STK32A: variants seen among roughly 807,000 people sequenced by gnomAD.
STK32A encodes the protein serine/threonine kinase 32A.
A neutral mutation model predicts 53.2 loss-of-function variants in STK32A; 41 were observed. The ratio of observed to expected loss-of-function variants is 0.77; its 90% CI spans 0.60 to 1.00. The LOEUF is 1.00. Among genes scored for constraint, STK32A ranks in the 50% least tolerant of loss-of-function variants. The pLI is 0.00. For missense variants in STK32A, 458 were observed against 485.8 expected, an observed-to-expected ratio of 0.94 and a Z score of 0.54; for synonymous variants, 166 against 162.8, an observed-to-expected ratio of 1.02 and a Z score of -0.15.
chr5:147,293,036 C>T (rs1357848391), intron 4 of STK32A, among the ~76,000 whole-genome samples: 5 of 152,052 alleles, frequency 3.3e-5, no homozygotes, highest in East Asian at 1.9e-4. Context: ...AACTTGTATT[C>T]GAGAGTACTT....
intron 7 of STK32A, among the ~76,000 whole-genome samples, chr5:147,355,005 C>A (rs554477094): frequency 7.2e-5 from 11 of 152,078 alleles, no homozygotes; most frequent in Non-Finnish European, 8.8e-5. Flanking sequence ...AAATTATGCT[C>A]CCAATGGTTT....
intron 4 of STK32A, among the ~76,000 whole-genome samples, chr5:147,314,593 A>G (rs1753894083): frequency 6.6e-6 from 1 of 151,402 alleles, no homozygotes. Context: ...CAATTTAAAA[A>G]TGGATAAAGA....
the STK32A span, among the ~76,000 whole-genome samples, chr5:147,396,490 C>G: frequency 6.6e-6 from 1 of 152,170 alleles, no homozygotes; most frequent in Non-Finnish European, 1.5e-5. Flanking sequence ...AGAGGGGAGG[C>G]AATGAGGACG....
chr5:147,262,925 A>T (rs575694048), intron 2 of STK32A, among the ~76,000 whole-genome samples: 2 of 152,330 alleles, frequency 1.3e-5, no homozygotes, highest in East Asian at 3.9e-4. Context: ...GAAGGGGAAG[A>T]GCTAAAGTAA....
chr5:147,389,128 T>C (rs1050880138), downstream of STK32A, among the ~76,000 whole-genome samples: 8 of 152,194 alleles, frequency 5.3e-5, no homozygotes, highest in African/African-American at 1.7e-4. Context: ...ATCAAGGGCA[T>C]TGTTCTATCA....
At chr5:147,265,949 C>T (rs76609964) in intron 2 of STK32A, among the ~76,000 whole-genome samples, 2,225 of 152,218 alleles carry the variant, frequency 0.015, 62 homozygotes, top group African/African-American at 0.051. Context: ...TTTCACCCTT[C>T]CTTGGCAAAT....
chr5:147,346,707 T>A (rs1755709713), intron 6 of STK32A, among the ~76,000 whole-genome samples: 1 of 152,220 alleles, frequency 6.6e-6, no homozygotes, highest in Non-Finnish European at 1.5e-5. Context: ...CCAATGTAAG[T>A]ACCCCATCCA....
chr5:147,387,434 A>G lies in STK32A; in HGVS notation c.*3451A>G, dbSNP rs772846872. 4.6e-5 allele frequency: 7 copies of G among 152,258 alleles called. No homozygotes were observed. The highest frequency in any genetic ancestry group is 7.3e-5 in the Non-Finnish European group (5 of 68,046). The allele number at this position is 152,258 out of a possible 1,614,324, so 9.4% of individuals were successfully genotyped here. On this transcript the variant is annotated 3_prime_UTR_variant, in exon 13 of 13. Coordinates refer to ENST00000397936, the MANE Select transcript of STK32A (RefSeq NM_001112724.2). Reference sequence around the variant, plus strand: ...ACCAGAAACCACTAGATGTTCTATTATCATAGCTTTTGTAGATTGGATGGA... The same window carrying G: ...ACCAGAAACCACTAGATGTTCTATTGTCATAGCTTTTGTAGATTGGATGGA...
chr5:147,255,638 G>A (rs1349932386), intron 2 of STK32A, among the ~76,000 whole-genome samples: 1 of 152,170 alleles, frequency 6.6e-6, no homozygotes, highest in Non-Finnish European at 1.5e-5. Context: ...GCAACATTGA[G>A]TTTTAATTAT....
intron 2 of STK32A, among the ~76,000 whole-genome samples, chr5:147,259,541 CTTTTT>C (rs58442395): frequency 6.8e-6 from 1 of 147,788 alleles, no homozygotes; most frequent in Non-Finnish European, 1.5e-5. Context: ...TTTACCCTGG[CTTTTT>C]TTTTTTTATT....
intron 2 of STK32A, among the ~76,000 whole-genome samples, chr5:147,260,788 G>A (rs1191395607): frequency 1.3e-5 from 2 of 152,170 alleles, no homozygotes; most frequent in Non-Finnish European, 2.9e-5. Flanking sequence ...AGCCATATGA[G>A]GCAGCTAGGG....
Position 147,334,298 on chromosome 5 carries a change from C to G in STK32A, c.435-8708C>G, listed in dbSNP as rs140259889. Among the ~76,000 whole-genome samples, 5 of 152,276 alleles carry G rather than the reference C, an allele frequency of 3.3e-5. No individual in the cohort carries two copies. In the East Asian group the frequency reaches 9.6e-4, roughly 29 times the overall value. On this transcript the variant is annotated intron_variant, in intron 5 of 12. Transcript: ENST00000397936. ...AGTTCTTCTCTTGATTTACAATTAGCCTCATAGTTCTGTTGCTGCCTATTG... is the reference window on the plus strand; with the variant it reads ...AGTTCTTCTCTTGATTTACAATTAGGCTCATAGTTCTGTTGCTGCCTATTG...
intron 4 of STK32A, among the ~76,000 whole-genome samples, chr5:147,322,485 A>C (rs1754368746): frequency 6.6e-6 from 1 of 152,222 alleles, no homozygotes; most frequent in Non-Finnish European, 1.5e-5. Context: ...ATTATAAAGA[A>C]GAAAATGTAC....
At chr5:147,379,681 C>A (rs1341628485) in intron 11 of STK32A, among the ~76,000 whole-genome samples, 1 of 152,126 alleles carries the variant, frequency 6.6e-6, no homozygotes, top group African/African-American at 2.4e-5. Context: ...GACTGCCATG[C>A]CACCCAGTCT....
chr5:147,332,784 C>A (rs917926777), intron 5 of STK32A, among the ~76,000 whole-genome samples: 3 of 152,150 alleles, frequency 2.0e-5, no homozygotes, highest in African/African-American at 7.2e-5. Context: ...CACCTGCTCC[C>A]GAGCTACCGA....
intron 7 of STK32A, 71 bp downstream of exon 7, chr5:147,351,225 T>C: frequency 7.4e-7 from 1 of 1,349,050 alleles, no homozygotes. Flanking sequence ...GAATCATCTG[T>C]GGGGATTTGC....
chr5:147,256,839 G>A (rs968892644), intron 2 of STK32A, among the ~76,000 whole-genome samples: 2 of 152,036 alleles, frequency 1.3e-5, no homozygotes, highest in African/African-American at 4.8e-5. Flanking sequence ...TTTTACAATA[G>A]CTATCTTGGT....
At chr5:147,331,559 G>A (rs916325386) in intron 5 of STK32A, among the ~76,000 whole-genome samples, 2 of 152,182 alleles carry the variant, frequency 1.3e-5, no homozygotes, top group African/African-American at 4.8e-5. Flanking sequence ...TAGTGGGTAG[G>A]TACTATATGT....
At chr5:147,356,438 C>T (rs1756243077) in intron 7 of STK32A, among the ~76,000 whole-genome samples, 1 of 151,904 alleles carries the variant, frequency 6.6e-6, no homozygotes, top group Non-Finnish European at 1.5e-5. Flanking sequence ...ATATATTGTT[C>T]TCACTTCAGA....
Sources: allele counts gnomAD v4.1 joint callset (sites outside exome capture counted in the v4.1 genomes callset), GRCh38; gene constraint gnomAD v4.1.1; transcripts MANE v1.5; gene names NCBI Gene and HGNC (gene_info 2026-07-23, HGNC 2026-07-21).